CD82: variants seen among roughly 807,000 people sequenced by gnomAD.
CD82 encodes CD82 molecule.
Under a neutral mutation model 37.4 loss-of-function variants are expected in CD82, and 36 were observed. The ratio of observed to expected loss-of-function variants is 0.96; its 90% CI spans 0.74 to 1.27. The LOEUF (loss-of-function observed/expected upper bound fraction) is 1.27. Among genes scored for constraint, CD82 ranks in the 50% most tolerant of loss-of-function variants. The pLI, the probability that CD82 is intolerant of heterozygous loss-of-function variation, is 0.00. For missense variants in CD82, 340 were observed against 347.0 expected, an observed-to-expected ratio of 0.98 and a Z score of 0.16; for synonymous variants, 158 against 137.4, an observed-to-expected ratio of 1.15 and a Z score of -1.05.
intron 6 of CD82, chr11:44,606,860 A>G (rs1245471889): frequency 1.3e-5 from 2 of 152,436 alleles, no homozygotes; most frequent in African/African-American, 4.8e-5. Context: ...TACCAAGTAC[A>G]GTGTTGACCA....
chr11:44,605,111 G>C lies in CD82; in HGVS notation c.190G>C (p.Ala64Pro), dbSNP rs1165792740. The C allele has an allele frequency of 1.9e-6, 3 of 1,614,204 alleles. No homozygotes were observed. In the East Asian group the frequency reaches 6.7e-5, roughly 36 times the overall value. ...MGAYVFIGVG[A>P]VTMLMGFLGC... ...GGCCTATGTCTTCATCGGCGTGGGG[G>C]CAGTCACTATGCTCATGGGCTTCCT... The change falls in exon 5 of 10, where the codon GCA (alanine) becomes CCA (proline). Residue 64 changes from alanine to proline, a missense_variant. Physicochemically the swap from Ala to Pro is conservative, Grantham distance 27 (BLOSUM62 -1). Transcript: ENST00000227155.
intron 1 of CD82, among the ~76,000 whole-genome samples, chr11:44,576,057 C>G (rs1165011670): frequency 1.3e-5 from 2 of 152,200 alleles, no homozygotes; most frequent in African/African-American, 4.8e-5. Flanking sequence ...ACCATCTCTG[C>G]GCTAGGATCT....
chr11:44,581,369 T>G (rs1334702985), intron 1 of CD82, among the ~76,000 whole-genome samples: 1 of 152,222 alleles, frequency 6.6e-6, no homozygotes, highest in Non-Finnish European at 1.5e-5. Context: ...GAGCAGTGGC[T>G]TATCTCATAG....
chr11:44,588,125 C>T (rs1590334485), intron 2 of CD82, among the ~76,000 whole-genome samples: 1 of 152,294 alleles, frequency 6.6e-6, no homozygotes, highest in East Asian at 1.9e-4. Context: ...GTTATAGGAA[C>T]TGCCGTCTAT....
chr11:44,588,426 G>A (rs537647552), intron 2 of CD82, among the ~76,000 whole-genome samples: 83 of 152,204 alleles, frequency 5.5e-4, no homozygotes, highest in Admixed American at 1.8e-3. Flanking sequence ...GTTTCACCAT[G>A]TTGGCCAGGC....
chr11:44,600,043 T>C, intron 3 of CD82, 115 bp from the exon 4 acceptor site: 11 of 932,276 alleles, frequency 1.2e-5, no homozygotes, highest in Admixed American at 1.8e-5. Context: ...AGGGTGGATG[T>C]GGTGCCCTCT....
In CD82 at chr11:44,615,283, G is replaced by T; in HGVS notation, c.348G>T (p.Glu116Asp). The change falls in exon 7 of 10, where the codon GAG becomes GAT. Residue 116 changes from glutamate (E) to aspartate (D), a missense_variant. By Grantham distance (45) the Glu-to-Asp change is conservative. Coordinates refer to ENST00000227155, the MANE Select transcript of CD82 (RefSeq NM_002231.4). ...CCTCCCCCCTGCAGCTGAAGCAGGA[G>T]ATGGGCGGCATCGTGACTGAGCTCA... ...FYFNMGKLKQ[E>D]MGGIVTELIR... The T allele has an allele frequency of 6.2e-7, 1 of 1,611,020 alleles. No homozygotes were observed. The highest frequency in any genetic ancestry group is 8.5e-7 in the Non-Finnish European group (1 of 1,177,236).
intron 1 of CD82, among the ~76,000 whole-genome samples, chr11:44,575,699 C>A (rs1264817788): frequency 6.6e-6 from 1 of 152,102 alleles, no homozygotes; most frequent in African/African-American, 2.4e-5. Flanking sequence ...GGAACCTTGT[C>A]CTGTTTAATA....
chr11:44,601,824 T>C (rs1853313801), intron 4 of CD82, among the ~76,000 whole-genome samples: 1 of 152,162 alleles, frequency 6.6e-6, no homozygotes, highest in East Asian at 1.9e-4. Flanking sequence ...TTCTAAAAAG[T>C]TCCCCAGGTG....
intron 6 of CD82, among the ~76,000 whole-genome samples, chr11:44,614,899 G>A (rs1853538096): frequency 6.6e-6 from 1 of 152,224 alleles, no homozygotes; most frequent in African/African-American, 2.4e-5. Flanking sequence ...AGTTGAAGCA[G>A]AGGGAGGAAG....
intron 1 of CD82, among the ~76,000 whole-genome samples, chr11:44,576,685 A>G (rs7123132): frequency 0.57 from 87,458 of 152,122 alleles, 26,176 homozygotes; most frequent in African/African-American, 0.7. Context: ...GTCACTGCCC[A>G]GTTTGGGACA....
chr11:44,585,281 A>G, intron 1 of CD82: 1 of 456,334 alleles, frequency 2.2e-6, no homozygotes, highest in Non-Finnish European at 4.4e-6. Context: ...GATCATCATC[A>G]TCATCATCAT....
intron 1 of CD82, among the ~76,000 whole-genome samples, chr11:44,567,752 A>G (rs1852757653): frequency 6.6e-6 from 1 of 152,160 alleles, no homozygotes; most frequent in African/African-American, 2.4e-5. Context: ...CTGCACCCTC[A>G]GGTTGCTTAC....
intron 6 of CD82, among the ~76,000 whole-genome samples, chr11:44,614,088 C>G (rs1238228665): frequency 1.3e-5 from 2 of 152,206 alleles, no homozygotes; most frequent in African/African-American, 4.8e-5. Context: ...TCTCGACTCA[C>G]TGTAACCTCC....
chr11:44,619,778 A>C lies in CD82; in HGVS notation c.*652A>C, dbSNP rs868598818. The C allele has an allele frequency of 1.8e-3, 276 of 151,780 alleles. 1 individual carries two copies. The highest frequency in any genetic ancestry group is 6.3e-3 in the African/African-American group (259 of 41,326). 9.4% of individuals were successfully genotyped at this position (151,780 alleles called of 1,614,324 possible). ...GACTCCGTCTCAAAAAAAAAAAAAA[A>C]AAAAAAAAAAATTGGGGAGGGAAGG... On this transcript the variant is annotated 3_prime_UTR_variant, in exon 10 of 10. Transcript: ENST00000227155.
chr11:44,571,017 T>G (rs1257683936), intron 1 of CD82, among the ~76,000 whole-genome samples: 1 of 152,088 alleles, frequency 6.6e-6, no homozygotes, highest in Non-Finnish European at 1.5e-5. Flanking sequence ...TTGCCTCTTC[T>G]CCGCCGCCCC....
Position 44,589,124 on chromosome 11 carries a change from C to T in CD82, c.-21+1568C>T, listed in dbSNP as rs535677271. On this transcript the variant is annotated intron_variant, in intron 2 of 9. Transcript: ENST00000227155. ...CACAAAAGTTAGCCGGGCATGATGG[C>T]ACATGCCTGTAATCCCAGCTACTCT... 6.4e-4 allele frequency among the ~76,000 whole-genome samples: 97 copies of T among 152,318 alleles called. 1 individual carries two copies. Among genetic ancestry groups the T allele is most frequent in the African/African-American group, 2.1e-3 (86 of 41,566 alleles).
intron 1 of CD82, among the ~76,000 whole-genome samples, chr11:44,572,365 A>G (rs966090855): frequency 6.6e-6 from 1 of 152,256 alleles, no homozygotes; most frequent in Non-Finnish European, 1.5e-5. Flanking sequence ...CAGTGAGCCC[A>G]TATTTTTTTA....
intron 4 of CD82, among the ~76,000 whole-genome samples, chr11:44,601,644 C>T (rs1853311294): frequency 6.6e-6 from 1 of 152,196 alleles, no homozygotes; most frequent in South Asian, 2.1e-4. Context: ...GAGCTTCCTG[C>T]ATGGCTCTGG....
Sources: allele counts gnomAD v4.1 joint callset (sites outside exome capture counted in the v4.1 genomes callset), GRCh38; gene constraint gnomAD v4.1.1; transcripts MANE v1.5; gene names NCBI Gene and HGNC (gene_info 2026-07-23, HGNC 2026-07-21).